RPTOR: variants seen among roughly 807,000 people sequenced by gnomAD.
RPTOR encodes the protein regulatory associated protein of MTOR complex 1, also known as regulatory-associated protein of mTOR.
A neutral mutation model predicts 169.9 loss-of-function variants in RPTOR; 21 were observed. The ratio of observed to expected loss-of-function variants is 0.12; its 90% CI spans 0.09 to 0.18. RPTOR has a LOEUF of 0.18. Ranked by LOEUF, RPTOR falls within the 10% of genes least tolerant of loss-of-function variation. RPTOR has a pLI of 1.00. For synonymous variants in RPTOR, 732 were observed against 753.2 expected (o/e 0.97, Z 0.46); for missense variants, 1,133 against 1,855.9 (o/e 0.61, Z 7.16).
chr17:80,889,813 GCCC>G, intron 17 of RPTOR, among the ~76,000 whole-genome samples: 1 of 140,540 alleles, frequency 7.1e-6, no homozygotes, highest in East Asian at 2.2e-4. Flanking sequence ...TCCAAGGGAG[GCCC>G]CCGTACGCAG....
At chr17:80,910,710 A>G (rs1289740082) in intron 21 of RPTOR, among the ~76,000 whole-genome samples, 1 of 152,104 alleles carries the variant, frequency 6.6e-6, no homozygotes, top group East Asian at 1.9e-4. Context: ...GGGTTCCTGC[A>G]GCTCCTCAGC....
At chr17:80,875,557 AT>A (rs2068097646) in intron 13 of RPTOR, among the ~76,000 whole-genome samples, 1 of 152,164 alleles carries the variant, frequency 6.6e-6, no homozygotes. Context: ...CCATAGCTTG[AT>A]CTGGGAGAAA....
chr17:80,918,425 GCCACGAGCACCCTCGCCGGAGTC>G (rs2068701017), intron 21 of RPTOR, among the ~76,000 whole-genome samples: 1 of 124,568 alleles, frequency 8.0e-6, no homozygotes, highest in South Asian at 2.4e-4. Flanking sequence ...GGGGGTCATA[GCCACGAGCACCCTCGCCGGAGTC>G]ATAGCCACGA....
At chr17:80,728,379 C>T (rs1305576540) in intron 4 of RPTOR, among the ~76,000 whole-genome samples, 1 of 151,550 alleles carries the variant, frequency 6.6e-6, no homozygotes, top group Non-Finnish European at 1.5e-5. Context: ...TAATTAAGGC[C>T]TTTCATATGC....
intron 20 of RPTOR, among the ~76,000 whole-genome samples, chr17:80,903,687 G>A (rs368090873): frequency 1.5e-4 from 23 of 152,228 alleles, no homozygotes; most frequent in African/African-American, 2.9e-4. Flanking sequence ...CCAAGGCATC[G>A]AGAAGCTGAA....
chr17:80,743,000 C>T (rs2066499959), intron 5 of RPTOR, among the ~76,000 whole-genome samples: 1 of 152,168 alleles, frequency 6.6e-6, no homozygotes, highest in Non-Finnish European at 1.5e-5. Flanking sequence ...TAGTGCTTCA[C>T]ATATGTTCCT....
intron 3 of RPTOR, among the ~76,000 whole-genome samples, chr17:80,681,581 GAGGTGTACGTCTCTTACACCTTCAT>G: frequency 6.8e-6 from 1 of 147,358 alleles, no homozygotes; most frequent in South Asian, 2.2e-4. Context: ...ACACCTTCAT[GAGGTGTACGTCTCTTACACCTTCAT>G]GAGGTGTACG....
intron 1 of RPTOR, chr17:80,602,490 C>CTT (rs1164412915): frequency 8.3e-6 from 3 of 360,536 alleles, no homozygotes; most frequent in Non-Finnish European, 1.6e-5. Flanking sequence ...GTTTTCTTTT[C>CTT]TTTTTTTTTG....
chr17:80,865,525 G>C (rs1181753964), intron 13 of RPTOR, among the ~76,000 whole-genome samples: 1 of 152,136 alleles, frequency 6.6e-6, no homozygotes, highest in Non-Finnish European at 1.5e-5. Flanking sequence ...GAGGAGGTTT[G>C]GGAGCAGAGA....
intron 2 of RPTOR, among the ~76,000 whole-genome samples, chr17:80,643,500 T>C (rs1225838094): frequency 6.6e-6 from 1 of 152,214 alleles, no homozygotes. Context: ...AATAACAGCA[T>C]TCACTTGCCC....
At position 80,659,222 on chromosome 17, in the gene RPTOR, G is replaced by A. The variant is rs1480156728; in HGVS notation, c.348+15412G>A. 6.6e-6 allele frequency among the ~76,000 whole-genome samples: 1 copy of A among 152,228 alleles called. No homozygotes were observed. Among genetic ancestry groups the A allele is most frequent in the African/African-American group, 2.4e-5 (1 of 41,466 alleles). ...AGAGCTGCACTCATGCACACAGGGT[G>A]ACCCTGGGTGAAATGTAGGCTCCAT... On this transcript the variant is annotated intron_variant, in intron 3 of 33. Transcript: ENST00000306801. This position sits in a 1 kb window ranked among gnomAD's most constrained non-coding sequence, Gnocchi z 4.3.
intron 6 of RPTOR, among the ~76,000 whole-genome samples, chr17:80,781,258 A>AT (rs1247467550): frequency 1.3e-5 from 2 of 152,124 alleles, no homozygotes; most frequent in African/African-American, 4.8e-5. Flanking sequence ...GTTTTAATTA[A>AT]TTTTTTTAAC....
At chr17:80,809,088 C>G (rs2067247422) in intron 7 of RPTOR, among the ~76,000 whole-genome samples, 1 of 152,242 alleles carries the variant, frequency 6.6e-6, no homozygotes, top group African/African-American at 2.4e-5. Flanking sequence ...AATTGTCCAA[C>G]TGTTTTCCAA....
intron 1 of RPTOR, among the ~76,000 whole-genome samples, chr17:80,621,411 G>A (rs1280499858): frequency 2.6e-4 from 39 of 152,330 alleles, no homozygotes; most frequent in Admixed American, 2.2e-3. Flanking sequence ...AATGACAGCC[G>A]AGGTAGCAGA....
intron 29 of RPTOR, among the ~76,000 whole-genome samples, chr17:80,958,206 C>CCA (rs1555641353): frequency 4.4e-5 from 6 of 137,128 alleles, no homozygotes; most frequent in African/African-American, 1.4e-4. Context: ...CACCCCCCCC[C>CCA]CCCACCACCA....
chr17:80,613,508 T>C (rs1358367592), intron 1 of RPTOR, among the ~76,000 whole-genome samples: 2 of 152,242 alleles, frequency 1.3e-5, no homozygotes, highest in African/African-American at 2.4e-5. Context: ...ATTTAGTATG[T>C]AGTAACATTC....
Position 80,936,863 on chromosome 17 carries a change from T to TC in RPTOR, c.2920-3627dup, listed in dbSNP as rs1434553631. Among the ~76,000 whole-genome samples the TC allele has an allele frequency of 2.6e-5, 4 of 152,112 alleles. No homozygotes were observed. In the South Asian group the frequency reaches 8.3e-4, roughly 32 times the overall value. ...AGCTCCGAGCTTCATTCAGAGCTTC[T>TC]CCCCCCTCCACAGCTTGGCGATTTG... On this transcript the variant is annotated intron_variant, in intron 24 of 33. Coordinates refer to ENST00000306801, the MANE Select transcript of RPTOR (RefSeq NM_020761.3). The surrounding 1 kb of genome is among the most constrained non-coding windows in gnomAD (Gnocchi z 4.1).
At chr17:80,673,652 T>C (rs2065839251) in intron 3 of RPTOR, among the ~76,000 whole-genome samples, 1 of 152,202 alleles carries the variant, frequency 6.6e-6, no homozygotes, top group African/African-American at 2.4e-5. Context: ...TTGATTGTGG[T>C]TTGTCTTCAG....
intron 7 of RPTOR, among the ~76,000 whole-genome samples, chr17:80,812,354 T>C (rs958281628): frequency 6.6e-6 from 1 of 152,168 alleles, no homozygotes; most frequent in African/African-American, 2.4e-5. Context: ...TTTTTTTTAA[T>C]TGAATGCTAC....
Sources: gnomAD v4.1 joint callset for allele counts (sites outside exome capture counted in the v4.1 genomes callset) on GRCh38, gnomAD v4.1.1 for gene constraint, Gnocchi (gnomAD v3.1) non-coding constraint, MANE v1.5 for transcripts, NCBI Gene and HGNC (gene_info 2026-07-23, HGNC 2026-07-21) for gene names.